PCDH15: variants seen among roughly 807,000 people sequenced by gnomAD.
PCDH15 encodes the protein protocadherin-15.
In PCDH15, 129 loss-of-function variants were observed where a neutral mutation model predicts 178.5. The ratio of observed to expected loss-of-function variants is 0.72; its 90% CI spans 0.63 to 0.84. The LOEUF is 0.84. Ranked by LOEUF, PCDH15 falls within the 40% of genes least tolerant of loss-of-function variation. PCDH15 has a pLI of 0.00. For synonymous variants in PCDH15, 800 were observed against 732.0 expected (o/e 1.09, Z -1.50); for missense variants, 2,230 against 2,099.9 (o/e 1.06, Z -1.21).
chr10:53,883,076 T>G (rs73242229), intron 26 of PCDH15, among the ~76,000 whole-genome samples: 1 of 152,266 alleles, frequency 6.6e-6, no homozygotes, highest in African/African-American at 2.4e-5. Context: ...CATATACATA[T>G]AGGATATTAT....
At chr10:54,783,813 A>G (rs2203151) in intron 1 of PCDH15, among the ~76,000 whole-genome samples, 152,264 of 152,266 alleles carry the variant, frequency 1, 76,131 homozygotes, top group Middle Eastern at 1. Flanking sequence ...TCACCACTCA[A>G]GTGATGGGTG....
At chr10:55,058,643 T>A (rs763489021) in intron 2 of PCDH15, among the ~76,000 whole-genome samples, 10 of 152,210 alleles carry the variant, frequency 6.6e-5, no homozygotes, top group Non-Finnish European at 8.8e-5. Flanking sequence ...TGTTTTTTTA[T>A]CTTTTTGTTA....
chr10:54,641,268 A>T (rs1162178263), intron 2 of PCDH15, among the ~76,000 whole-genome samples: 4 of 152,042 alleles, frequency 2.6e-5, no homozygotes, highest in Non-Finnish European at 5.9e-5. Context: ...CAAAATAATC[A>T]CTTCTATAAA....
At chr10:54,592,321 C>T (rs1439076044) in intron 2 of PCDH15, among the ~76,000 whole-genome samples, 1 of 151,796 alleles carries the variant, frequency 6.6e-6, no homozygotes, top group Admixed American at 6.6e-5. Flanking sequence ...CCTTCCCTTC[C>T]TTCCTCCTTT....
At chr10:54,519,638 C>G (rs1241159476) in intron 3 of PCDH15, among the ~76,000 whole-genome samples, 1 of 152,058 alleles carries the variant, frequency 6.6e-6, no homozygotes, top group Non-Finnish European at 1.5e-5. Context: ...CCATACTGCC[C>G]AAGGTAATTT....
At chr10:55,062,954 G>T (rs527593059) in intron 2 of PCDH15, among the ~76,000 whole-genome samples, 1 of 152,078 alleles carries the variant, frequency 6.6e-6, no homozygotes, top group Middle Eastern at 3.2e-3. Flanking sequence ...AATAAAAGAT[G>T]TATGTGAATT....
chr10:54,307,102 GTGTATATA>G lies in PCDH15; in HGVS notation c.876+10161_876+10168del, dbSNP rs1178719885. On this transcript the variant is annotated intron_variant, in intron 8 of 37. Coordinates refer to ENST00000644397, the MANE Select transcript of PCDH15 (RefSeq NM_001384140.1). ...TATACATATATATATATGTGTGTGT[GTGTATATA>G]TATATATATATATATATATATATAT... is the stretch of plus-strand genomic sequence containing the variant. Among the ~76,000 whole-genome samples the G allele has an allele frequency of 3.2e-3, 38 of 11,732 alleles. 3 individuals carry two copies. The highest frequency in any genetic ancestry group is 7.8e-3 in the African/African-American group (19 of 2,444). The allele number at this position is 11,732 out of a possible 152,430, so 7.7% of individuals were successfully genotyped here.
At chr10:55,090,824 C>A (rs1842299174) in intron 2 of PCDH15, among the ~76,000 whole-genome samples, 1 of 151,986 alleles carries the variant, frequency 6.6e-6, no homozygotes, top group African/African-American at 2.4e-5. Flanking sequence ...CATTTTATAT[C>A]CTTTTCTTAG....
intron 10 of PCDH15, among the ~76,000 whole-genome samples, chr10:54,200,484 T>C (rs1474855789): frequency 1.3e-5 from 2 of 151,852 alleles, no homozygotes; most frequent in Non-Finnish European, 2.9e-5. Context: ...CATATGTTCT[T>C]ATTGCTCAAC....
At chr10:54,022,007 T>G (rs2092935960) in intron 19 of PCDH15, among the ~76,000 whole-genome samples, 1 of 152,104 alleles carries the variant, frequency 6.6e-6, no homozygotes, top group Admixed American at 6.6e-5. Context: ...GTATTTGCCT[T>G]ATTTAGATTT....
intron 20 of PCDH15, among the ~76,000 whole-genome samples, chr10:54,004,276 G>A (rs2092300214): frequency 6.6e-6 from 1 of 151,938 alleles, no homozygotes. Context: ...AGTACTGGAA[G>A]TCTTAGCAAG....
chr10:53,961,716 C>A, intron 22 of PCDH15, 36 bp downstream of exon 22: 1 of 1,498,170 alleles, frequency 6.7e-7, no homozygotes, highest in East Asian at 2.4e-5. Flanking sequence ...AAAAATTAAA[C>A]ATCAAATAGA....
chr10:54,013,372 AT>A (rs2092648981), intron 20 of PCDH15, among the ~76,000 whole-genome samples: 1 of 152,176 alleles, frequency 6.6e-6, no homozygotes, highest in African/African-American at 2.4e-5. Flanking sequence ...TGAAAAAGAT[AT>A]TTAGGACCTG....
intron 2 of PCDH15, among the ~76,000 whole-genome samples, chr10:55,120,046 A>C (rs961022718): frequency 1.1e-4 from 16 of 152,162 alleles, no homozygotes; most frequent in African/African-American, 3.6e-4. Context: ...CAAGAAGAGA[A>C]CCAGAGAGAA....
chr10:55,555,549 T>C (rs1842073968), intron 2 of PCDH15, among the ~76,000 whole-genome samples: 1 of 152,166 alleles, frequency 6.6e-6, no homozygotes, highest in African/African-American at 2.4e-5. Context: ...GAGATGCCTC[T>C]TCTCAATTTT....
At chr10:55,315,762 A>C (rs1843708585) in intron 1 of PCDH15, among the ~76,000 whole-genome samples, 3 of 152,210 alleles carry the variant, frequency 2.0e-5, no homozygotes, top group Admixed American at 1.3e-4. Flanking sequence ...TCCTGCCTGC[A>C]ATCCCAGCGC....
intron 3 of PCDH15, among the ~76,000 whole-genome samples, chr10:54,510,521 C>T (rs570507174): frequency 6.6e-6 from 1 of 152,222 alleles, no homozygotes; most frequent in African/African-American, 2.4e-5. Context: ...TCAAGTGGGT[C>T]CCCTTAGTAC....
chr10:54,161,418 A>G (rs957205352), intron 13 of PCDH15, among the ~76,000 whole-genome samples: 1 of 152,138 alleles, frequency 6.6e-6, no homozygotes, highest in African/African-American at 2.4e-5. Flanking sequence ...ATTGACTACA[A>G]GTGGTCATGA....
intron 1 of PCDH15, among the ~76,000 whole-genome samples, chr10:54,703,676 G>T (rs1266237273): frequency 1.3e-5 from 2 of 151,902 alleles, no homozygotes; most frequent in East Asian, 3.9e-4. Context: ...AACCAGGGAG[G>T]CAAAAGGTAC....
Sources: allele counts gnomAD v4.1 joint callset (sites outside exome capture counted in the v4.1 genomes callset), GRCh38; gene constraint gnomAD v4.1.1; transcripts MANE v1.5; gene names NCBI Gene and HGNC (gene_info 2026-07-23, HGNC 2026-07-21).